The following CUL5 variants were observed in gnomAD, a reference collection of about 807,000 sequenced individuals.
CUL5 encodes cullin-5.
In CUL5, 26 loss-of-function variants were observed where a neutral mutation model predicts 108.8. The observed-to-expected ratio is 0.24, with a 90% CI of 0.18 to 0.33. CUL5 has a LOEUF of 0.33. Ranked by LOEUF, CUL5 falls within the 10% of genes least tolerant of loss-of-function variation. CUL5 has a pLI of 1.00. For missense variants in CUL5, 524 were observed against 909.2 expected (o/e 0.58, Z 5.45); for synonymous variants, 334 against 298.0 (o/e 1.12, Z -1.25).
intron 13 of CUL5, among the ~76,000 whole-genome samples, chr11:108,092,633 C>G (rs1005310921): frequency 6.6e-6 from 1 of 152,026 alleles, no homozygotes; most frequent in Non-Finnish European, 1.5e-5. Context: ...TGTGAAGTGT[C>G]CAGAATAGGC....
At chr11:108,052,541 C>T (rs563072307) in intron 4 of CUL5, 119 bp from the exon 5 acceptor site, 8 of 847,986 alleles carry the variant, frequency 9.4e-6, no homozygotes, top group East Asian at 8.1e-5. Flanking sequence ...GGACTACAGG[C>T]GTGAGCCACT....
At chr11:108,056,446 C>T (rs916338634) in intron 7 of CUL5, among the ~76,000 whole-genome samples, 2 of 151,738 alleles carry the variant, frequency 1.3e-5, no homozygotes, top group Non-Finnish European at 2.9e-5. Context: ...ATGTCTTTTC[C>T]CTTTGGTTCT....
At chr11:108,053,156 T>C (rs1863278793) in intron 5 of CUL5, among the ~76,000 whole-genome samples, 1 of 152,190 alleles carries the variant, frequency 6.6e-6, no homozygotes, top group African/African-American at 2.4e-5. Context: ...GGAGAGCATG[T>C]AGGAGTACAT....
intron 5 of CUL5, among the ~76,000 whole-genome samples, chr11:108,054,165 A>G (rs567274946): frequency 6.6e-5 from 10 of 152,262 alleles, no homozygotes; most frequent in Non-Finnish European, 1.3e-4. Flanking sequence ...CTGTAGACAC[A>G]TGATTTTACT....
intron 10 of CUL5, among the ~76,000 whole-genome samples, chr11:108,076,450 C>G (rs977808055): frequency 6.6e-5 from 10 of 152,122 alleles, no homozygotes; most frequent in African/African-American, 2.2e-4. Flanking sequence ...TTCTTTCCCA[C>G]CCATTTTGCC....
chr11:108,102,291 G>A (rs774660542), intron 18 of CUL5, among the ~76,000 whole-genome samples: 35 of 151,866 alleles, frequency 2.3e-4, no homozygotes, highest in Non-Finnish European at 4.4e-4. Flanking sequence ...GCCTCCTAAA[G>A]TGCTGGGATT....
chr11:108,089,640 A>G lies in CUL5; in HGVS notation c.1443+17A>G. On this transcript the variant is annotated intron_variant, in intron 13 of 18. Coordinates refer to ENST00000393094, the MANE Select transcript of CUL5 (RefSeq NM_003478.6). ...TGGCTAAGAGTAAGTAAATTTTTTT[A>G]AATATTTGGTTTTCTAATACATTAC... 2.1e-6 allele frequency: 3 copies of G among 1,445,480 alleles called. No homozygotes were observed. The highest frequency in any genetic ancestry group is 2.8e-6 in the Non-Finnish European group (3 of 1,087,388). 89.5% of individuals were successfully genotyped at this position (1,445,480 alleles called of 1,614,324 possible).
In CUL5 at chr11:108,097,873, T is replaced by G; in HGVS notation, c.2024+119T>G. On this transcript the variant is annotated intron_variant, in intron 17 of 18. Transcript: ENST00000393094. ...AAAACATTATATACTGTCATCACTC[T>G]AAACTTACATCATTTAGTTGTTTAT... 3 of 579,058 alleles carry G rather than the reference T, an allele frequency of 5.2e-6. No individual in the cohort carries two copies. The South Asian group carries it at 7.4e-5, about 14-fold the overall frequency. The allele number at this position is 579,058 out of a possible 1,614,324, so 35.9% of individuals were successfully genotyped here.
intron 1 of CUL5, among the ~76,000 whole-genome samples, chr11:108,018,195 G>A (rs1423575495): frequency 2.0e-5 from 3 of 152,172 alleles, no homozygotes; most frequent in African/African-American, 7.2e-5. Flanking sequence ...TGCATTCTAA[G>A]GCAAAGGTCT....
rs1302530372 is a variant in CUL5 at position 108,106,698 on chromosome 11, T to A, written c.*2314T>A. 1 of 152,020 alleles carries A rather than the reference T, an allele frequency of 6.6e-6. No individual in the cohort carries two copies. Among genetic ancestry groups the A allele is most frequent in the Non-Finnish European group, 1.5e-5 (1 of 67,906 alleles). The allele number at this position is 152,020 out of a possible 1,614,324, so 9.4% of individuals were successfully genotyped here. On this transcript the variant is annotated 3_prime_UTR_variant, in exon 19 of 19. Transcript: ENST00000393094. ...TAAAAAAAAATGAAAAAAAAAATCT[T>A]ACCAGCAGTTTGTAAAGGTCTGGAA...
intron 7 of CUL5, among the ~76,000 whole-genome samples, chr11:108,065,688 T>C (rs1024490138): frequency 2.0e-5 from 3 of 152,312 alleles, no homozygotes; most frequent in South Asian, 2.1e-4. Context: ...AGGGGTAACA[T>C]TGGCGATTCA....
intron 1 of CUL5, among the ~76,000 whole-genome samples, chr11:108,023,924 C>T (rs530882717): frequency 6.6e-6 from 1 of 152,242 alleles, no homozygotes; most frequent in East Asian, 1.9e-4. Context: ...AAACAGTGTC[C>T]TCTTCCTCCT....
At chr11:108,101,131 C>T (rs1468581958) in intron 18 of CUL5, among the ~76,000 whole-genome samples, 1 of 152,188 alleles carries the variant, frequency 6.6e-6, no homozygotes, top group Non-Finnish European at 1.5e-5. Flanking sequence ...TAATTATGTA[C>T]AATCCAATAA....
At chr11:108,083,813 A>T (rs1864156984) in intron 11 of CUL5, among the ~76,000 whole-genome samples, 1 of 152,206 alleles carries the variant, frequency 6.6e-6, no homozygotes, top group Non-Finnish European at 1.5e-5. Context: ...AGTAAGTATC[A>T]TTAGCTGATC....
chr11:108,058,033 A>G (rs1863432171), intron 7 of CUL5, among the ~76,000 whole-genome samples: 1 of 151,672 alleles, frequency 6.6e-6, no homozygotes, highest in African/African-American at 2.4e-5. Flanking sequence ...ACATGGTGAA[A>G]CCCTGTCTCT....
intron 10 of CUL5, 129 bp downstream of exon 10, chr11:108,073,626 C>G (rs1565258920): frequency 2.3e-6 from 1 of 439,414 alleles, no homozygotes; most frequent in Non-Finnish European, 4.1e-6. Flanking sequence ...TATTTTTCAT[C>G]AGTGGAGAAC....
intron 1 of CUL5, among the ~76,000 whole-genome samples, chr11:108,027,045 C>G (rs976626560): frequency 2.6e-5 from 4 of 151,802 alleles, no homozygotes; most frequent in Admixed American, 1.3e-4. Context: ...TATCAATTAC[C>G]ATGCCATTTC....
At position 108,072,309 on chromosome 11, in the gene CUL5, A is replaced by G. The variant is rs765195678; in HGVS notation, c.875-23A>G. The G allele has an allele frequency of 2.7e-5, 43 of 1,563,892 alleles. No individual in the cohort carries two copies. The Admixed American group carries it at 6.2e-4, about 23-fold the overall frequency. On this transcript the variant is annotated intron_variant, in intron 8 of 18. Coordinates refer to ENST00000393094, the MANE Select transcript of CUL5 (RefSeq NM_003478.6). ...TTACTCTAGTAAATGAAATGATTAC[A>G]TGAATGTGTTCTCTCCTTCCAGAAT...
chr11:108,054,593 C>T, intron 5 of CUL5, 54 bp from the exon 6 acceptor site: 1 of 1,252,564 alleles, frequency 8.0e-7, no homozygotes, highest in Admixed American at 2.3e-5. Context: ...TTATTATACT[C>T]AAAATACTGA....
Sources: allele counts gnomAD v4.1 joint callset (sites outside exome capture counted in the v4.1 genomes callset), GRCh38; gene constraint gnomAD v4.1.1; transcripts MANE v1.5; gene names NCBI Gene and HGNC (gene_info 2026-07-23, HGNC 2026-07-21).